TMEM132B: variants seen among roughly 807,000 people sequenced by gnomAD.
TMEM132B encodes transmembrane protein 132B.
A neutral mutation model predicts 90.8 loss-of-function variants in TMEM132B; 18 were observed. The observed-to-expected ratio is 0.20, with a 90% CI of 0.14 to 0.29. The LOEUF (loss-of-function observed/expected upper bound fraction) is 0.29. TMEM132B is among the 10% of genes least tolerant of loss of function. The pLI, the probability that TMEM132B is intolerant of heterozygous loss-of-function variation, is 1.00. For synonymous variants in TMEM132B, 504 were observed against 523.3 expected (o/e 0.96, Z 0.50); for missense variants, 1,096 against 1,326.8 (o/e 0.83, Z 2.70).
chr12:125,569,090 C>T (rs1056387233), intron 4 of TMEM132B, among the ~76,000 whole-genome samples: 4 of 152,114 alleles, frequency 2.6e-5, no homozygotes, highest in Non-Finnish European at 5.9e-5. Context: ...AGTAGCTGCT[C>T]TGGGCATTGC....
chr12:125,500,665 A>G (rs1423212576), intron 3 of TMEM132B, among the ~76,000 whole-genome samples: 2 of 152,248 alleles, frequency 1.3e-5, no homozygotes, highest in Non-Finnish European at 2.9e-5. Context: ...ACGTCAATCT[A>G]GAAATAGAAA....
intron 6 of TMEM132B, among the ~76,000 whole-genome samples, chr12:125,645,463 G>C (rs77036489): frequency 2.0e-5 from 3 of 152,328 alleles, no homozygotes; most frequent in Admixed American, 2.0e-4. Flanking sequence ...TGAGAACAAC[G>C]TGATGATGTA....
Position 125,492,820 on chromosome 12 carries a change from C to G in TMEM132B, c.1107-26619C>G, listed in dbSNP as rs1882390600. On this transcript the variant is annotated intron_variant, in intron 3 of 8. Transcript: ENST00000682704. The surrounding 1 kb of genome is among the most constrained non-coding windows in gnomAD (Gnocchi z 5.8). ...AAAATGGGCTGGGCCCTGTGTCAGG[C>G]TCCAGGGATAGACACAGCGCCAACC... Among the ~76,000 whole-genome samples the G allele has an allele frequency of 6.6e-6, 1 of 152,186 alleles. No individual in the cohort carries two copies. The highest frequency in any genetic ancestry group is 1.5e-5 in the Non-Finnish European group (1 of 68,034).
At chr12:125,621,090 G>T (rs771878375) in intron 5 of TMEM132B, among the ~76,000 whole-genome samples, 2 of 152,210 alleles carry the variant, frequency 1.3e-5, no homozygotes, top group South Asian at 2.1e-4. Flanking sequence ...TTTTGAGTCT[G>T]TTGTGGTGCC....
intron 5 of TMEM132B, chr12:125,587,455 C>T (rs907933514): frequency 1.5e-4 from 23 of 151,972 alleles, no homozygotes; most frequent in African/African-American, 5.6e-4. Flanking sequence ...AATTTGTTGC[C>T]CCCATGTAAA....
chr12:125,565,435 G>A (rs142261172), intron 4 of TMEM132B, among the ~76,000 whole-genome samples: 390 of 152,366 alleles, frequency 2.6e-3, no homozygotes, highest in Non-Finnish European at 4.2e-3. Flanking sequence ...ATGCTACAGT[G>A]TGCTCTTTAG....
chr12:125,456,205 G>A lies in TMEM132B; in HGVS notation c.1106+40528G>A, dbSNP rs924520601. ...ATTTTTAAAGCCACCCAAATATTGC[G>A]TTTGCTACCACAGCACCCCCGAGCC... On this transcript the variant is annotated intron_variant, in intron 3 of 8. Transcript: ENST00000682704. Among the ~76,000 whole-genome samples the A allele has an allele frequency of 7.2e-5, 11 of 152,212 alleles. No homozygotes were observed. The East Asian group carries it at 7.7e-4, about 11-fold the overall frequency.
intron 3 of TMEM132B, among the ~76,000 whole-genome samples, chr12:125,424,069 A>G (rs1880246134): frequency 1.3e-5 from 2 of 152,226 alleles, no homozygotes; most frequent in Admixed American, 1.3e-4. Flanking sequence ...TTCTATTGAT[A>G]TTATAGCAGT....
chr12:125,379,576 T>C (rs761125152), intron 2 of TMEM132B, among the ~76,000 whole-genome samples: 12 of 152,252 alleles, frequency 7.9e-5, no homozygotes, highest in Non-Finnish European at 1.5e-4. Flanking sequence ...TAGCTCATCT[T>C]GGATTTTTGA....
chr12:125,359,770 T>G (rs1877902298), intron 2 of TMEM132B, among the ~76,000 whole-genome samples: 1 of 152,162 alleles, frequency 6.6e-6, no homozygotes, highest in African/African-American at 2.4e-5. Context: ...TTACAACTTT[T>G]GGGAAAAATA....
At chr12:125,608,418 ATTATC>A (rs1333246594) in intron 5 of TMEM132B, among the ~76,000 whole-genome samples, 1 of 152,142 alleles carries the variant, frequency 6.6e-6, no homozygotes, top group Non-Finnish European at 1.5e-5. Context: ...TTAAAATTGA[ATTATC>A]TTTTCATTTC....
At chr12:125,429,776 A>G (rs1593142018) in intron 3 of TMEM132B, among the ~76,000 whole-genome samples, 1 of 152,196 alleles carries the variant, frequency 6.6e-6, no homozygotes, top group Non-Finnish European at 1.5e-5. Context: ...ATCAGGGTAC[A>G]TGCTACTCAC....
At chr12:125,279,793 C>G (rs748036022) in intron 1 of TMEM132B, among the ~76,000 whole-genome samples, 1 of 152,078 alleles carries the variant, frequency 6.6e-6, no homozygotes, top group African/African-American at 2.4e-5. Context: ...CTTGAGAAAC[C>G]CTCTAACAGG....
At chr12:125,335,478 C>G (rs2136211893) in intron 1 of TMEM132B, among the ~76,000 whole-genome samples, 1 of 152,284 alleles carries the variant, frequency 6.6e-6, no homozygotes, top group African/African-American at 2.4e-5. Flanking sequence ...GTGATTTGTT[C>G]AGGGATGGGC....
At chr12:125,573,509 A>G (rs956609010) in intron 4 of TMEM132B, among the ~76,000 whole-genome samples, 10 of 152,238 alleles carry the variant, frequency 6.6e-5, no homozygotes, top group African/African-American at 2.4e-4. Context: ...ATCTGTGTTT[A>G]CAGTTATTTT....
rs1887194951 is a variant in TMEM132B, at chr12:125,660,974, T to A, written c.*6264T>A. On this transcript the variant is annotated 3_prime_UTR_variant, in exon 9 of 9. Coordinates refer to ENST00000682704, the MANE Select transcript of TMEM132B (RefSeq NM_001366854.1). ...GATTTGGGGTCTATGTAATGCTGATTTTTTTCAAACCTGTTTGGAAATATT... is the reference window on the plus strand; with the variant it reads ...GATTTGGGGTCTATGTAATGCTGATATTTTTCAAACCTGTTTGGAAATATT... The A allele has an allele frequency of 6.6e-6, 1 of 152,240 alleles. No individual in the cohort carries two copies. Among genetic ancestry groups the A allele is most frequent in the African/African-American group, 2.4e-5 (1 of 41,460 alleles). 9.4% of individuals were successfully genotyped at this position (152,240 alleles called of 1,614,324 possible).
chr12:125,317,696 T>C (rs1256461762), intron 1 of TMEM132B, among the ~76,000 whole-genome samples: 1 of 152,184 alleles, frequency 6.6e-6, no homozygotes, highest in East Asian at 1.9e-4. Context: ...GGCTTTCACC[T>C]GGAGCCTTCA....
At position 125,504,827 on chromosome 12, in the gene TMEM132B, G is replaced by A. The variant is rs540684345; in HGVS notation, c.1107-14612G>A. 2.3e-4 allele frequency among the ~76,000 whole-genome samples: 35 copies of A among 152,094 alleles called. 1 individual carries two copies. In the South Asian group the frequency reaches 7.3e-3, roughly 32 times the overall value. ...GAATTGCAGAAAGCTCAGTCTTACC[G>A]GCTTGAAGAACCAGAGGCAGTGTTT... On this transcript the variant is annotated intron_variant, in intron 3 of 8. Transcript: ENST00000682704.
intron 4 of TMEM132B, among the ~76,000 whole-genome samples, chr12:125,577,316 G>T (rs973626749): frequency 6.6e-6 from 1 of 151,146 alleles, no homozygotes; most frequent in Non-Finnish European, 1.5e-5. Flanking sequence ...GTAAGACTGA[G>T]CCCCTTTTTA....
Sources: allele counts gnomAD v4.1 joint callset (sites outside exome capture counted in the v4.1 genomes callset), GRCh38; gene constraint gnomAD v4.1.1; non-coding constraint Gnocchi (gnomAD v3.1); transcripts MANE v1.5; gene names NCBI Gene and HGNC (gene_info 2026-07-23, HGNC 2026-07-21).